The following HIPK3 variants were observed in gnomAD, a reference collection of about 807,000 sequenced individuals.
The protein encoded by HIPK3 is homeodomain-interacting protein kinase 3.
HIPK3 carries 47 observed loss-of-function variants against 124.2 expected under a neutral mutation model. The ratio of observed to expected loss-of-function variants is 0.38; its 90% confidence interval spans 0.30 to 0.48. HIPK3 has a LOEUF of 0.48. HIPK3 is among the 20% of genes least tolerant of loss of function. The probability of loss-of-function intolerance (pLI) is 0.98; values close to 1 mark genes in which losing one functional copy is unlikely to be tolerated. For synonymous variants in HIPK3, 482 were observed against 515.2 expected (o/e 0.94, Z 0.87); for missense variants, 1,286 against 1,454.3 (o/e 0.88, Z 1.88).
intron 2 of HIPK3, among the ~76,000 whole-genome samples, chr11:33,323,791 CA>C (rs1271436851): frequency 6.6e-6 from 1 of 152,178 alleles, no homozygotes; most frequent in Non-Finnish European, 1.5e-5. Context: ...AAAGAAATGG[CA>C]TTTCAGATGT....
chr11:33,293,468 T>G (rs1394668111), intron 2 of HIPK3, among the ~76,000 whole-genome samples: 1 of 152,180 alleles, frequency 6.6e-6, no homozygotes, highest in Admixed American at 6.5e-5. Context: ...ATCTACTTGC[T>G]GCCTGTGTAG....
At chr11:33,313,458 G>A (rs1000653882) in intron 2 of HIPK3, among the ~76,000 whole-genome samples, 1 of 152,104 alleles carries the variant, frequency 6.6e-6, no homozygotes, top group African/African-American at 2.4e-5. Flanking sequence ...TAGAAGTAAA[G>A]GGGTACAGTG....
At chr11:33,348,083 A>G (rs973257721) in intron 11 of HIPK3, 70 bp downstream of exon 11, 6 of 1,607,304 alleles carry the variant, frequency 3.7e-6, no homozygotes, top group African/African-American at 1.3e-5. Context: ...ATGTACTCTA[A>G]AGGGTCACTC....
intron 7 of HIPK3, 98 bp from the exon 8 acceptor site, chr11:33,341,465 G>T: frequency 8.3e-7 from 1 of 1,203,506 alleles, no homozygotes; most frequent in Non-Finnish European, 1.1e-6. Flanking sequence ...CATTTTAATA[G>T]TAGAATTATG....
intron 3 of HIPK3, among the ~76,000 whole-genome samples, chr11:33,334,750 G>C (rs1176560595): frequency 6.6e-6 from 1 of 152,192 alleles, no homozygotes; most frequent in Admixed American, 6.5e-5. Flanking sequence ...CTTCTGGTTG[G>C]ACAAGCTTGC....
At chr11:33,343,646 T>C (rs1404074688) in intron 8 of HIPK3, among the ~76,000 whole-genome samples, 3 of 152,148 alleles carry the variant, frequency 2.0e-5, no homozygotes, top group Non-Finnish European at 4.4e-5. Context: ...TTTACCTCAG[T>C]ACCAAATAAA....
intron 1 of HIPK3, among the ~76,000 whole-genome samples, chr11:33,270,867 T>C (rs1178272254): frequency 6.6e-6 from 1 of 152,218 alleles, no homozygotes; most frequent in East Asian, 1.9e-4. Flanking sequence ...TCATGTATTT[T>C]AATTTTAAGC....
At position 33,347,719 on chromosome 11, in the gene HIPK3, AGT is replaced by A; in HGVS notation, c.2114_2115del (p.Val705GlyfsTer20). The stretch of plus-strand genomic sequence containing the variant: ...TGCTACTACTACACTAACTTCTGAG[AGT>A]GTGGCTGGTTCACACAGGCTTGGAG... The part of the protein sequence containing the change: ...APATTTLTSE[S>X]VAGSHRLGDW... On this transcript the variant is annotated frameshift_variant, in exon 10 of 17. Coordinates refer to ENST00000303296, the MANE Select transcript of HIPK3 (RefSeq NM_005734.5). LOFTEE classifies it high-confidence loss of function. 1.2e-6 allele frequency: 2 copies of A among 1,614,190 alleles called. No individual in the cohort carries two copies. Among genetic ancestry groups the A allele is most frequent in the Non-Finnish European group, 1.7e-6 (2 of 1,180,022 alleles).
In HIPK3 at chr11:33,269,363, A is replaced by G. The variant is rs570438111; in HGVS notation, c.-3+11474A>G. ...TTTCACTCCTCTCTCAAGGAAAGAA[A>G]CATCTCTTCATTCCCCCAAGATTAC... is the stretch of plus-strand genomic sequence containing the variant. On this transcript the variant is annotated intron_variant, in intron 1 of 16. Coordinates refer to ENST00000303296, the MANE Select transcript of HIPK3 (RefSeq NM_005734.5). Among the ~76,000 whole-genome samples, 11 of 152,310 alleles carry G rather than the reference A, an allele frequency of 7.2e-5. 1 individual carries two copies. The highest frequency in any genetic ancestry group is 2.6e-4 in the African/African-American group (11 of 41,576).
Position 33,356,136 on chromosome 11 carries a change from T to A in HIPK3, c.*2568T>A, listed in dbSNP as rs1320984800. 1.3e-5 allele frequency: 2 copies of A among 152,032 alleles called. No individual in the cohort carries two copies. Among genetic ancestry groups the A allele is most frequent in the Non-Finnish European group, 2.9e-5 (2 of 67,900 alleles). 9.4% of individuals were successfully genotyped at this position (152,032 alleles called of 1,614,324 possible). ...GGGCCATGTTTACTACCCTGAAATG[T>A]TGTATTTTTTGTCTTTAATTTCCAA... On this transcript the variant is annotated 3_prime_UTR_variant, in exon 17 of 17. Transcript: ENST00000303296.
At chr11:33,289,282 A>G (rs1447430723) in intron 2 of HIPK3, among the ~76,000 whole-genome samples, 1 of 152,116 alleles carries the variant, frequency 6.6e-6, no homozygotes. Context: ...TCTCCAAAAA[A>G]AGAAAAAAAA....
At chr11:33,327,525 T>C (rs530116735) in intron 2 of HIPK3, among the ~76,000 whole-genome samples, 1 of 152,326 alleles carries the variant, frequency 6.6e-6, no homozygotes, top group Admixed American at 6.5e-5. Context: ...TTGGCCAAAC[T>C]TAAATGGAGT....
intron 2 of HIPK3, among the ~76,000 whole-genome samples, chr11:33,327,258 A>G (rs780181430): frequency 6.6e-6 from 1 of 152,196 alleles, no homozygotes; most frequent in Non-Finnish European, 1.5e-5. Context: ...TGCATGCCTA[A>G]TAAGATACAA....
Position 33,348,668 on chromosome 11 carries a change from C to T in HIPK3, c.2516C>T (p.Thr839Ile). 1 of 1,614,122 alleles carries T rather than the reference C, an allele frequency of 6.2e-7. No individual in the cohort carries two copies. Among genetic ancestry groups the T allele is most frequent in the Non-Finnish European group, 8.5e-7 (1 of 1,180,026 alleles). The change falls in exon 13 of 17, where the codon ACA becomes ATA. Residue 839 changes from threonine to isoleucine, a missense_variant. This residue lies in a region of HIPK3 where 810 missense variants were observed against 864.9 expected (regional missense o/e 0.94). Coordinates refer to ENST00000303296, the MANE Select transcript of HIPK3 (RefSeq NM_005734.5). ...SEGEARNCCE[T>I]SIRQDSDSSV... ...GGAGAGGCAAGAAATTGCTGTGAAA[C>T]ATCTATCAGACAGGACTCTGATTCA... is the stretch of plus-strand genomic sequence containing the variant.
intron 2 of HIPK3, among the ~76,000 whole-genome samples, chr11:33,324,210 AGACG>A (rs58639914): frequency 0.013 from 2,036 of 152,302 alleles, 49 homozygotes; most frequent in African/African-American, 0.046. Context: ...CACTACTGAC[AGACG>A]GATGTATTCT....
chr11:33,310,361 A>G (rs1257355529), intron 2 of HIPK3, among the ~76,000 whole-genome samples: 1 of 149,778 alleles, frequency 6.7e-6, no homozygotes, highest in African/African-American at 2.4e-5. Flanking sequence ...GCTGGCGTAC[A>G]GTGGCACCAT....
chr11:33,258,538 A>AGGCGTGGCGGC (rs988468475), intron 1 of HIPK3: 4 of 985,308 alleles, frequency 4.1e-6, no homozygotes, highest in Non-Finnish European at 4.8e-6. Flanking sequence ...GGCGGGAGGA[A>AGGCGTGGCGGC]GGCGTGGCGG....
rs184661554 is a variant in HIPK3 at position 33,275,481 on chromosome 11, T to C, written c.-2-10932T>C. Among the ~76,000 whole-genome samples the C allele has an allele frequency of 2.4e-4, 37 of 152,284 alleles. 1 individual carries two copies. Among genetic ancestry groups the C allele is most frequent in the Admixed American group, 1.8e-3 (28 of 15,300 alleles). Reference sequence around the variant, plus strand: ...CTGTTCATACTACCAACTTATTGTCTAGTGTCTCCTGCCTTTTTTTTTTAA... The same window carrying C: ...CTGTTCATACTACCAACTTATTGTCCAGTGTCTCCTGCCTTTTTTTTTTAA... On this transcript the variant is annotated intron_variant, in intron 1 of 16. Coordinates refer to ENST00000303296, the MANE Select transcript of HIPK3 (RefSeq NM_005734.5).
intron 2 of HIPK3, among the ~76,000 whole-genome samples, chr11:33,320,323 G>A (rs1467420305): frequency 1.3e-5 from 2 of 152,160 alleles, no homozygotes; most frequent in African/African-American, 4.8e-5. Context: ...AAGCAAAGAA[G>A]AACAGGAAGC....
Sources: allele counts gnomAD v4.1 joint callset (sites outside exome capture counted in the v4.1 genomes callset), GRCh38; gene constraint gnomAD v4.1.1; regional missense constraint gnomAD v4.1.1; transcripts MANE v1.5; gene names NCBI Gene and HGNC (gene_info 2026-07-23, HGNC 2026-07-21).